AMBRA1: variants seen among roughly 807,000 people sequenced by gnomAD.
AMBRA1 encodes autophagy and beclin 1 regulator 1.
A neutral mutation model predicts 125.4 loss-of-function variants in AMBRA1; 47 were observed. That is an observed-to-expected ratio of 0.37 (90% CI 0.30 to 0.48). The LOEUF (loss-of-function observed/expected upper bound fraction) is 0.48, where lower values mean the gene tolerates loss of function less well. AMBRA1 is among the 20% of genes least tolerant of loss of function. AMBRA1 has a pLI of 0.99. For missense variants in AMBRA1, 1,331 were observed against 1,693.4 expected (o/e 0.79, Z 3.76); for synonymous variants, 626 against 655.5 (o/e 0.95, Z 0.69).
intron 7 of AMBRA1, among the ~76,000 whole-genome samples, chr11:46,529,210 A>G (rs1398119682): frequency 6.6e-6 from 1 of 152,222 alleles, no homozygotes; most frequent in Non-Finnish European, 1.5e-5. Flanking sequence ...TACATAGTCC[A>G]AAAGAAGGTT....
At chr11:46,577,887 T>C (rs1394389960) in intron 1 of AMBRA1, among the ~76,000 whole-genome samples, 3 of 151,750 alleles carry the variant, frequency 2.0e-5, no homozygotes, top group African/African-American at 4.8e-5. Flanking sequence ...GAGGAGGAGG[T>C]TGCAGTGAGC....
intron 1 of AMBRA1, among the ~76,000 whole-genome samples, chr11:46,559,174 C>T (rs1435729609): frequency 6.6e-6 from 1 of 151,914 alleles, no homozygotes; most frequent in Non-Finnish European, 1.5e-5. Flanking sequence ...GTGGCACGCC[C>T]CTGTAATCCC....
chr11:46,436,973 T>C (rs1295723372), intron 12 of AMBRA1, among the ~76,000 whole-genome samples: 7 of 152,192 alleles, frequency 4.6e-5, no homozygotes, highest in Non-Finnish European at 1.5e-5. Context: ...ACATTTAATG[T>C]CTCGAAAATG....
chr11:46,530,354 T>C (rs1391962428), intron 7 of AMBRA1, among the ~76,000 whole-genome samples: 1 of 152,190 alleles, frequency 6.6e-6, no homozygotes, highest in African/African-American at 2.4e-5. Flanking sequence ...TAGTAGGTGC[T>C]AGCATGACCT....
At chr11:46,429,100 C>A in intron 14 of AMBRA1, 1 of 1,608,036 alleles carries the variant, frequency 6.2e-7, no homozygotes, top group Middle Eastern at 2.2e-4. Context: ...TGACTCCCTC[C>A]TTAAAAAGGA....
In AMBRA1 at chr11:46,427,441, C is replaced by T. The variant is rs576540239; in HGVS notation, c.2976+6033G>A. Among the ~76,000 whole-genome samples, 15 of 152,258 alleles carry T rather than the reference C, an allele frequency of 9.9e-5. No homozygotes were observed. The South Asian group carries it at 2.7e-3, about 27-fold the overall frequency. On this transcript the variant is annotated intron_variant, in intron 14 of 17. Coordinates refer to ENST00000683756, the MANE Select transcript of AMBRA1 (RefSeq NM_001387011.1). ...GTAAGAGACAGAGCAAGAACAAAAG[C>T]GGAAAGGATCAAGATACATTGACAG...
At chr11:46,458,401 T>C (rs564947271) in intron 11 of AMBRA1, among the ~76,000 whole-genome samples, 1 of 152,280 alleles carries the variant, frequency 6.6e-6, no homozygotes, top group South Asian at 2.1e-4. Flanking sequence ...TTAGCTGTTT[T>C]TCATAACACA....
chr11:46,578,085 A>G (rs927766229), intron 1 of AMBRA1, among the ~76,000 whole-genome samples: 3 of 152,122 alleles, frequency 2.0e-5, no homozygotes, highest in African/African-American at 7.2e-5. Context: ...TCACCACTGT[A>G]GTCTAGCCTG....
chr11:46,430,830 T>C (rs1947423072), intron 14 of AMBRA1, among the ~76,000 whole-genome samples: 1 of 152,184 alleles, frequency 6.6e-6, no homozygotes, highest in Non-Finnish European at 1.5e-5. Context: ...CATTACCCAC[T>C]AAAGCATTCC....
rs574591030 is a variant in AMBRA1, at chr11:46,497,996, A to G, written c.2340-3792T>C. Among the ~76,000 whole-genome samples, 7 of 152,348 alleles carry G rather than the reference A, an allele frequency of 4.6e-5. No homozygotes were observed. In the South Asian group the frequency reaches 1.5e-3, roughly 32 times the overall value. ...AATTAAAAGTACTTAAAATAATGAT[A>G]TACTTAGAAAACTACACAGAAATCT... On this transcript the variant is annotated intron_variant, in intron 9 of 17. Transcript: ENST00000683756.
chr11:46,531,467 T>C (rs1045273120), intron 7 of AMBRA1, among the ~76,000 whole-genome samples: 2 of 151,802 alleles, frequency 1.3e-5, no homozygotes, highest in African/African-American at 4.8e-5. Flanking sequence ...CCCAGCACTT[T>C]GGGAGGCCAA....
chr11:46,478,816 G>A (rs1387361855), intron 11 of AMBRA1, among the ~76,000 whole-genome samples: 2 of 151,760 alleles, frequency 1.3e-5, no homozygotes, highest in African/African-American at 2.4e-5. Flanking sequence ...CACCATGCCC[G>A]AAGATATTTC....
intron 7 of AMBRA1, among the ~76,000 whole-genome samples, chr11:46,514,058 C>T (rs1224658383): frequency 4.6e-5 from 7 of 152,018 alleles, no homozygotes; most frequent in Non-Finnish European, 7.4e-5. Context: ...CAGAGAGGAA[C>T]GCATATTGTT....
At chr11:46,576,518 A>G (rs2043965989) in intron 1 of AMBRA1, among the ~76,000 whole-genome samples, 1 of 152,186 alleles carries the variant, frequency 6.6e-6, no homozygotes. Flanking sequence ...CCTCATTTCT[A>G]AACAAGCTCA....
At chr11:46,566,347 G>A (rs1044408167) in intron 1 of AMBRA1, among the ~76,000 whole-genome samples, 6 of 152,018 alleles carry the variant, frequency 3.9e-5, no homozygotes, top group Non-Finnish European at 7.4e-5. Flanking sequence ...GAACCCAGGA[G>A]GCAGAGGTTG....
intron 7 of AMBRA1, among the ~76,000 whole-genome samples, chr11:46,532,812 C>T (rs1952278868): frequency 6.6e-6 from 1 of 152,188 alleles, no homozygotes; most frequent in Non-Finnish European, 1.5e-5. Flanking sequence ...CTTTATATAT[C>T]TTACATTAGT....
At position 46,573,722 on chromosome 11, in the gene AMBRA1, T is replaced by G. The variant is rs562293933; in HGVS notation, c.-121+20106A>C. Among the ~76,000 whole-genome samples the G allele has an allele frequency of 1.2e-4, 18 of 151,620 alleles. No homozygotes were observed. The South Asian group carries it at 3.1e-3, about 26-fold the overall frequency. Reference sequence around the variant, plus strand: ...GGGTACATGTGCATATTGTGCAGGTTAGTTACATATGTATACATGTGCCAT... The same window carrying G: ...GGGTACATGTGCATATTGTGCAGGTGAGTTACATATGTATACATGTGCCAT... On this transcript the variant is annotated intron_variant, in intron 1 of 17. Coordinates refer to ENST00000683756, the MANE Select transcript of AMBRA1 (RefSeq NM_001387011.1).
chr11:46,548,277 T>C lies in AMBRA1; in HGVS notation c.104A>G (p.Asp35Gly). ...CTCCCATTTCATCCACCGGGTTTTA[T>C]CTTCTACCAGCTCCTGCAGAAGCCG... ...AQRLLQELVE[D>G]KTRWMKWEGK... Residue 35 changes from aspartate to glycine, a missense_variant, in exon 2 of 18, where the codon GAT becomes GGT. By Grantham distance (94) the Asp-to-Gly change is moderately conservative. Transcript: ENST00000683756. The C allele has an allele frequency of 6.2e-7, 1 of 1,614,182 alleles. No homozygotes were observed. The highest frequency in any genetic ancestry group is 8.5e-7 in the Non-Finnish European group (1 of 1,180,026).
At chr11:46,580,156 T>C (rs916584407) in intron 1 of AMBRA1, among the ~76,000 whole-genome samples, 5 of 152,226 alleles carry the variant, frequency 3.3e-5, no homozygotes, top group African/African-American at 1.2e-4. Flanking sequence ...TGCTGACAAA[T>C]CCAACAATGT....
Sources: allele counts gnomAD v4.1 joint callset (sites outside exome capture counted in the v4.1 genomes callset), GRCh38; gene constraint gnomAD v4.1.1; transcripts MANE v1.5; gene names NCBI Gene and HGNC (gene_info 2026-07-23, HGNC 2026-07-21).